PCSK6: variants seen among roughly 807,000 people sequenced by gnomAD.
The protein encoded by PCSK6 is paired basic amino acid cleaving enzyme 4.
PCSK6 carries 85 observed loss-of-function variants against 123.3 expected under a neutral mutation model. That is an observed-to-expected ratio of 0.69 (90% CI 0.58 to 0.83). PCSK6 has a LOEUF of 0.83. PCSK6 is among the 40% of genes least tolerant of loss of function. The probability of loss-of-function intolerance (pLI) is 0.00; values close to 1 mark genes in which losing one functional copy is unlikely to be tolerated. For synonymous variants in PCSK6, 508 were observed against 516.0 expected, an observed-to-expected ratio of 0.98 and a Z score of 0.21; for missense variants, 1,191 against 1,282.3, an observed-to-expected ratio of 0.93 and a Z score of 1.09.
chr15:101,389,810 G>C (rs80331464), intron 8 of PCSK6, among the ~76,000 whole-genome samples: 2 of 152,162 alleles, frequency 1.3e-5, no homozygotes, highest in African/African-American at 4.8e-5. Context: ...CAGACCGTAC[G>C]CTTTGATAAT....
At chr15:101,344,589 T>C (rs2040689148) in intron 13 of PCSK6, among the ~76,000 whole-genome samples, 1 of 151,964 alleles carries the variant, frequency 6.6e-6, no homozygotes, top group Non-Finnish European at 1.5e-5. Flanking sequence ...GTCTGTGGGG[T>C]GGAGGAGTGG....
At chr15:101,468,021 A>G (rs1042527008) in intron 1 of PCSK6, among the ~76,000 whole-genome samples, 4 of 152,216 alleles carry the variant, frequency 2.6e-5, no homozygotes, top group Admixed American at 6.5e-5. Context: ...ATTGTGGGAA[A>G]TATTTTATAT....
chr15:101,339,618 G>A (rs140269198), intron 13 of PCSK6, among the ~76,000 whole-genome samples: 47 of 152,290 alleles, frequency 3.1e-4, no homozygotes, highest in African/African-American at 9.9e-4. Context: ...TAAAAATACC[G>A]TGTAGGGGCC....
At chr15:101,481,656 G>A (rs915280137) in intron 1 of PCSK6, among the ~76,000 whole-genome samples, 4 of 152,286 alleles carry the variant, frequency 2.6e-5, no homozygotes, top group Middle Eastern at 3.4e-3. Context: ...AGACAGGCTT[G>A]GGGGAGCACG....
intron 6 of PCSK6, among the ~76,000 whole-genome samples, chr15:101,410,469 G>C (rs1042209998): frequency 3.3e-5 from 5 of 152,218 alleles, no homozygotes; most frequent in Non-Finnish European, 7.3e-5. Flanking sequence ...AGAGAGCAAA[G>C]AAAGGATGAA....
Position 101,406,937 on chromosome 15 carries a change from C to T in PCSK6, c.824-8361G>A, listed in dbSNP as rs554609133. 2.6e-5 allele frequency among the ~76,000 whole-genome samples: 4 copies of T among 152,312 alleles called. No homozygotes were observed. The South Asian group carries it at 8.3e-4, about 32-fold the overall frequency. On this transcript the variant is annotated intron_variant, in intron 6 of 21. Coordinates refer to ENST00000611716, the MANE Select transcript of PCSK6 (RefSeq NM_002570.5). The stretch of plus-strand genomic sequence containing the variant: ...CAGCCCTGGATCCAGGAGATGAGGT[C>T]TGTCCCAGGTCAGGTCCCGTGATAA...
intron 13 of PCSK6, chr15:101,347,490 T>C: frequency 9.2e-6 from 12 of 1,310,270 alleles, no homozygotes; most frequent in Non-Finnish European, 1.1e-5. Context: ...ACTGAGTATG[T>C]ACAGCTGAAG....
At chr15:101,377,459 T>C (rs3021420) in intron 11 of PCSK6, among the ~76,000 whole-genome samples, 30,106 of 152,164 alleles carry the variant, frequency 0.2, 3,436 homozygotes, top group African/African-American at 0.32. Flanking sequence ...TGGGCCTAAG[T>C]TCCTAACTCC....
At chr15:101,312,690 G>C (rs544018497) in intron 20 of PCSK6, among the ~76,000 whole-genome samples, 87 of 152,252 alleles carry the variant, frequency 5.7e-4, no homozygotes, top group African/African-American at 1.9e-3. Flanking sequence ...CAATTAGTGG[G>C]GAGTGGTGGC....
intron 9 of PCSK6, among the ~76,000 whole-genome samples, chr15:101,386,972 C>T (rs1262940509): frequency 2.0e-5 from 3 of 152,196 alleles, no homozygotes; most frequent in Admixed American, 1.3e-4. Flanking sequence ...TGTTTTCCTA[C>T]GAGAAGCTCA....
At position 101,307,271 on chromosome 15, in the gene PCSK6, A is replaced by C. The variant is rs1383104682; in HGVS notation, c.2754T>G (p.Cys918Trp). 2.5e-6 allele frequency: 4 copies of C among 1,613,674 alleles called. No homozygotes were observed. Among genetic ancestry groups the C allele is most frequent in the African/African-American group, 2.7e-5 (2 of 74,904 alleles). The change falls in exon 21 of 22, where the codon TGT (cysteine) becomes TGG (tryptophan). Residue 918 changes from cysteine (C) to tryptophan (W), a missense_variant. Physicochemically the swap from Cys to Trp is radical, Grantham distance 215. Coordinates refer to ENST00000611716, the MANE Select transcript of PCSK6 (RefSeq NM_002570.5). ...CAGSSRNCSR[C>W]KTGFTQLGTS... ...TCCCCAGCTGTGTGAAGCCCGTCTT[A>C]CACCTGCTACAGTTCCTGCTGGAGC...
In PCSK6 at chr15:101,398,153, C is replaced by G. The variant is rs1032013853; in HGVS notation, c.996+251G>C. ...AAACTCCAAGGCAGAGAGGGTCGTG[C>G]TAGCAGTGGCCACCTGGCTGTCACT... On this transcript the variant is annotated intron_variant, in intron 7 of 21. Coordinates refer to ENST00000611716, the MANE Select transcript of PCSK6 (RefSeq NM_002570.5). The surrounding 1 kb of genome is among the most constrained non-coding windows in gnomAD (Gnocchi z 4.6). Among the ~76,000 whole-genome samples the G allele has an allele frequency of 5.3e-5, 8 of 152,214 alleles. No homozygotes were observed. Among genetic ancestry groups the G allele is most frequent in the African/African-American group, 1.9e-4 (8 of 41,462 alleles).
At chr15:101,436,461 C>T (rs1363627429) in intron 2 of PCSK6, among the ~76,000 whole-genome samples, 1 of 152,200 alleles carries the variant, frequency 6.6e-6, no homozygotes, top group Non-Finnish European at 1.5e-5. Context: ...CTGGTTTCAT[C>T]AAAGCGAAGG....
intron 1 of PCSK6, 44 bp downstream of exon 1, chr15:101,489,330 G>GGCC (rs2058105330): frequency 2.7e-6 from 3 of 1,103,178 alleles, no homozygotes; most frequent in Non-Finnish European, 3.3e-6. Flanking sequence ...GCGCGCCGGA[G>GGCC]GCCGCCGGGA....
intron 13 of PCSK6, among the ~76,000 whole-genome samples, chr15:101,359,000 T>G (rs1338978835): frequency 6.6e-6 from 1 of 152,166 alleles, no homozygotes; most frequent in African/African-American, 2.4e-5. Flanking sequence ...CTCACTGTGC[T>G]TGGGGAGGAT....
intron 6 of PCSK6, among the ~76,000 whole-genome samples, chr15:101,403,091 A>G (rs1271882352): frequency 3.9e-5 from 6 of 152,140 alleles, no homozygotes; most frequent in Non-Finnish European, 5.9e-5. Context: ...CTATGCAGCC[A>G]TAAAAAATGA....
chr15:101,355,568 C>T (rs1330145624), intron 13 of PCSK6, among the ~76,000 whole-genome samples: 1 of 152,192 alleles, frequency 6.6e-6, no homozygotes, highest in African/African-American at 2.4e-5. Flanking sequence ...AAGGAAACAC[C>T]CCTCACACCC....
At chr15:101,337,896 T>G (rs771013135) in intron 13 of PCSK6, among the ~76,000 whole-genome samples, 1 of 152,256 alleles carries the variant, frequency 6.6e-6, no homozygotes, top group Non-Finnish European at 1.5e-5. Flanking sequence ...TGATAGGTTA[T>G]GACAGAACGT....
At chr15:101,370,197 C>CT in intron 12 of PCSK6, 138 bp downstream of exon 12, 2 of 631,788 alleles carry the variant, frequency 3.2e-6, no homozygotes, top group Non-Finnish European at 4.7e-6. Context: ...AGAAAGGAAG[C>CT]TGCCAGCAGA....
Sources: allele counts gnomAD v4.1 joint callset (sites outside exome capture counted in the v4.1 genomes callset), GRCh38; gene constraint gnomAD v4.1.1; non-coding constraint Gnocchi (gnomAD v3.1); transcripts MANE v1.5; gene names NCBI Gene and HGNC (gene_info 2026-07-23, HGNC 2026-07-21).